Variants in FAM20A observed in about 807,000 individuals in gnomAD.
The protein encoded by FAM20A is pseudokinase FAM20A.
A neutral mutation model predicts 52.0 loss-of-function variants in FAM20A; 42 were observed. The ratio of observed to expected loss-of-function variants is 0.81; its 90% CI spans 0.63 to 1.04. FAM20A has a LOEUF of 1.04. Ranked by LOEUF, FAM20A falls within the 50% of genes least tolerant of loss-of-function variation. FAM20A has a pLI of 0.00. For missense variants in FAM20A, 742 were observed against 712.7 expected (o/e 1.04, Z -0.47); for synonymous variants, 304 against 298.9 (o/e 1.02, Z -0.18).
intron 2 of FAM20A, 100 bp downstream of exon 2, chr17:68,555,459 C>G: frequency 7.6e-7 from 1 of 1,321,498 alleles, no homozygotes. Flanking sequence ...GTGTCCATGT[C>G]AAGCCTCTAA....
intron 1 of FAM20A, among the ~76,000 whole-genome samples, chr17:68,569,903 GTC>G (rs1275911443): frequency 6.6e-6 from 1 of 152,154 alleles, no homozygotes; most frequent in Non-Finnish European, 1.5e-5. Context: ...GAGGTCCCAT[GTC>G]TCTGTTTCTG....
At chr17:68,592,669 C>T (rs1337428916) in intron 1 of FAM20A, among the ~76,000 whole-genome samples, 2 of 152,218 alleles carry the variant, frequency 1.3e-5, no homozygotes, top group African/African-American at 4.8e-5. Flanking sequence ...TCTTTCCACA[C>T]CACCTTGTTT....
chr17:68,565,383 C>CTTTTTTTTTTTTTT lies in FAM20A; in HGVS notation c.405-9654_405-9641dup, dbSNP rs796800181. Among the ~76,000 whole-genome samples the CTTTTTTTTTTTTTT allele has an allele frequency of 2.1e-4, 22 of 103,794 alleles. 2 individuals are homozygous for CTTTTTTTTTTTTTT. The highest frequency in any genetic ancestry group is 9.1e-4 in the African/African-American group (21 of 22,984). 68.1% of individuals were successfully genotyped at this position (103,794 alleles called of 152,430 possible). ...CCTGGAGTTTAACCTCCATTACCTCCTTTTTTTTTTTTTTTTTTTTTTTTT... is the reference window on the plus strand; with the variant it reads ...CCTGGAGTTTAACCTCCATTACCTCCTTTTTTTTTTTTTTTTTTTTTTTTTTTTTTTTTTTTTTT... On this transcript the variant is annotated intron_variant, in intron 1 of 10. Transcript: ENST00000592554.
rs1433155774 is a variant in FAM20A, at chr17:68,537,020, A to G, written c.*457T>C. ...GAGTTACTGTTGCCTGCGCTGGCCCAAAGTGCAGATTTTTAGTCAGCTTGT... is the reference window on the plus strand; with the variant it reads ...GAGTTACTGTTGCCTGCGCTGGCCCGAAGTGCAGATTTTTAGTCAGCTTGT... On this transcript the variant is annotated 3_prime_UTR_variant, in exon 11 of 11. Coordinates refer to ENST00000592554, the MANE Select transcript of FAM20A (RefSeq NM_017565.4). This position sits in a 1 kb window ranked among gnomAD's most constrained non-coding sequence, Gnocchi z 4.2. 6.6e-6 allele frequency: 3 copies of G among 455,338 alleles called. No homozygotes were observed. The highest frequency in any genetic ancestry group is 2.0e-5 in the African/African-American group (1 of 50,056). 28.2% of individuals were successfully genotyped at this position (455,338 alleles called of 1,614,324 possible). A position where few individuals can be genotyped will look rare whatever the true frequency, so the allele number is the denominator to read the frequency against.
intron 1 of FAM20A, among the ~76,000 whole-genome samples, chr17:68,583,763 C>A (rs1209490935): frequency 1.3e-5 from 2 of 151,880 alleles, no homozygotes; most frequent in African/African-American, 4.8e-5. Flanking sequence ...GTTAGCCGGG[C>A]GTGGTGGTGC....
intron 1 of FAM20A, among the ~76,000 whole-genome samples, chr17:68,575,719 TTATATTTTATATATTA>T (rs1304393783): frequency 3.6e-4 from 44 of 122,512 alleles, no homozygotes; most frequent in Admixed American, 5.4e-4. Context: ...ATTATATATT[TTATATTTTATATATTA>T]TATATTTTAT....
At chr17:68,577,299 T>C (rs944420615) in intron 1 of FAM20A, among the ~76,000 whole-genome samples, 24 of 152,202 alleles carry the variant, frequency 1.6e-4, no homozygotes, top group Non-Finnish European at 7.3e-5. Context: ...TTGGGAAACA[T>C]GAAATATTAA....
In FAM20A at chr17:68,537,767, A is replaced by C; in HGVS notation, c.1362-26T>G. The C allele has an allele frequency of 6.3e-7, 1 of 1,596,684 alleles. No homozygotes were observed. Among genetic ancestry groups the C allele is most frequent in the Non-Finnish European group, 8.5e-7 (1 of 1,170,814 alleles). ...CTGAAAAGACAAAGTTACAGGAACCAAATAAGCAAATGTAAAGAAAATAAC... is the reference window on the plus strand; with the variant it reads ...CTGAAAAGACAAAGTTACAGGAACCCAATAAGCAAATGTAAAGAAAATAAC... On this transcript the variant is annotated intron_variant, in intron 10 of 10. Coordinates refer to ENST00000592554, the MANE Select transcript of FAM20A (RefSeq NM_017565.4). The surrounding 1 kb of genome is among the most constrained non-coding windows in gnomAD (Gnocchi z 4.2).
chr17:68,542,083 C>G lies in FAM20A; in HGVS notation c.1011G>C (p.Glu337Asp), dbSNP rs751572686. The change falls in exon 7 of 11, where the codon GAG becomes GAC. Residue 337 changes from glutamate (E) to aspartate (D), a missense_variant. By Grantham distance (45) the Glu-to-Asp change is conservative. Coordinates refer to ENST00000592554, the MANE Select transcript of FAM20A (RefSeq NM_017565.4). Reference protein sequence around the residue: ...YAVCGNPHLLEGSLSAFLPSL... With the variant: ...YAVCGNPHLLDGSLSAFLPSL... ...ACGGCAGGAAGGCAGAGAGGGAACC[C>G]TCCAGCAGGTGTGGGTTGCCACAGA... 1 of 1,614,010 alleles carries G rather than the reference C, an allele frequency of 6.2e-7. No homozygotes were observed. Among genetic ancestry groups the G allele is most frequent in the East Asian group, 2.2e-5 (1 of 44,878 alleles).
rs146530561 is a variant in FAM20A at position 68,575,937 on chromosome 17, TC to T, written c.405-20195del. 7.8e-3 allele frequency among the ~76,000 whole-genome samples: 1,174 copies of T among 151,100 alleles called. 15 individuals are homozygous for T. The highest frequency in any genetic ancestry group is 0.027 in the African/African-American group (1,114 of 41,074). ...AAGGGCGCCCCCTAAGAATGGCCTT[TC>T]CCTTGCCCAGGAGCTAACCCTGGGG... is the stretch of plus-strand genomic sequence containing the variant. On this transcript the variant is annotated intron_variant, in intron 1 of 10. Coordinates refer to ENST00000592554, the MANE Select transcript of FAM20A (RefSeq NM_017565.4).
At chr17:68,594,328 G>A (rs796386728) in intron 1 of FAM20A, among the ~76,000 whole-genome samples, 2 of 152,030 alleles carry the variant, frequency 1.3e-5, no homozygotes, top group African/African-American at 2.4e-5. Flanking sequence ...GAACCCGGGA[G>A]GCGGAGCTTG....
chr17:68,578,321 G>T (rs986731706), intron 1 of FAM20A, among the ~76,000 whole-genome samples: 1 of 152,178 alleles, frequency 6.6e-6, no homozygotes, highest in East Asian at 1.9e-4. Flanking sequence ...ACAATACGGG[G>T]TTAGGCTGGG....
chr17:68,554,081 T>C (rs570460026), intron 3 of FAM20A, among the ~76,000 whole-genome samples: 1 of 145,158 alleles, frequency 6.9e-6, no homozygotes, highest in Non-Finnish European at 1.5e-5. Flanking sequence ...TACACACATA[T>C]ATACATATAT....
chr17:68,555,811 G>A (rs1187480986), intron 1 of FAM20A, 68 bp from the exon 2 acceptor site: 2 of 1,548,798 alleles, frequency 1.3e-6, no homozygotes, highest in Non-Finnish European at 1.8e-6. Context: ...TACCTTGTCT[G>A]CAGTTTTTTA....
rs151121518 is a variant in FAM20A, at chr17:68,550,277, G to C, written c.719+1596C>G. Among the ~76,000 whole-genome samples, 11 of 148,940 alleles carry C rather than the reference G, an allele frequency of 7.4e-5. No individual in the cohort carries two copies. The East Asian group carries it at 2.2e-3, about 30-fold the overall frequency. On this transcript the variant is annotated intron_variant, in intron 4 of 10. Coordinates refer to ENST00000592554, the MANE Select transcript of FAM20A (RefSeq NM_017565.4). ...TTTAAAATCAATATAAATATAAGCA[G>C]ACATTCAATTGTCTCATGTACATTT...
At chr17:68,557,985 G>T (rs960207066) in intron 1 of FAM20A, among the ~76,000 whole-genome samples, 1 of 152,176 alleles carries the variant, frequency 6.6e-6, no homozygotes, top group Non-Finnish European at 1.5e-5. Flanking sequence ...ATTTAGGGAG[G>T]TTGTCAAGGT....
chr17:68,586,952 T>C (rs534118704), intron 1 of FAM20A, among the ~76,000 whole-genome samples: 2 of 152,114 alleles, frequency 1.3e-5, no homozygotes, highest in South Asian at 4.2e-4. Flanking sequence ...AATGCAGTGG[T>C]GTGATGTCGT....
rs1287666924 is a variant in FAM20A, at chr17:68,540,655, T to G, written c.1219+194A>C. The G allele has an allele frequency of 2.2e-5, 16 of 729,208 alleles. No individual in the cohort carries two copies. In the East Asian group the frequency reaches 2.3e-4, roughly 11 times the overall value. 45.2% of individuals were successfully genotyped at this position (729,208 alleles called of 1,614,324 possible). ...CTTATGAGTGACGACCCCTTGAGCT[T>G]CTTCCAGTTCTTTGAAGAGAGGGGA... On this transcript the variant is annotated intron_variant, in intron 8 of 10. Coordinates refer to ENST00000592554, the MANE Select transcript of FAM20A (RefSeq NM_017565.4).
intron 10 of FAM20A, among the ~76,000 whole-genome samples, chr17:68,538,337 G>T (rs1468009623): frequency 2.0e-5 from 3 of 152,220 alleles, no homozygotes; most frequent in African/African-American, 7.2e-5. Context: ...GTCCTGCTCT[G>T]GAGGCAGGGA....
Sources: allele counts gnomAD v4.1 joint callset (sites outside exome capture counted in the v4.1 genomes callset), GRCh38; gene constraint gnomAD v4.1.1; non-coding constraint Gnocchi (gnomAD v3.1); transcripts MANE v1.5; gene names NCBI Gene and HGNC (gene_info 2026-07-23, HGNC 2026-07-21).